HIBCH: variants seen among roughly 807,000 people sequenced by gnomAD.
The protein encoded by HIBCH is 3-hydroxyisobutyryl-CoA hydrolase.
In HIBCH, 50 loss-of-function variants were observed where a neutral mutation model predicts 58.2. That is an observed-to-expected ratio of 0.86 (90% CI 0.68 to 1.09). The LOEUF (loss-of-function observed/expected upper bound fraction) is 1.09, where lower values mean the gene tolerates loss of function less well. Ranked by LOEUF, HIBCH falls within the 50% of genes least tolerant of loss-of-function variation. The probability of loss-of-function intolerance (pLI) is 0.00; values close to 1 mark genes in which losing one functional copy is unlikely to be tolerated. For synonymous variants in HIBCH, 151 were observed against 146.9 expected (o/e 1.03, Z -0.20); for missense variants, 450 against 449.7 (o/e 1.00, Z -0.01).
intron 9 of HIBCH, among the ~76,000 whole-genome samples, chr2:190,249,276 T>C (rs1412730266): frequency 6.6e-6 from 1 of 152,220 alleles, no homozygotes; most frequent in Non-Finnish European, 1.5e-5. Flanking sequence ...TAAAAATACA[T>C]GCTGCAATAA....
intron 11 of HIBCH, among the ~76,000 whole-genome samples, chr2:190,237,169 T>C (rs1434573761): frequency 6.6e-6 from 1 of 152,256 alleles, no homozygotes; most frequent in Non-Finnish European, 1.5e-5. Context: ...GATAAGTGTA[T>C]ACAGTTGTAT....
At chr2:190,305,118 A>G (rs1375037834) in intron 2 of HIBCH, among the ~76,000 whole-genome samples, 2 of 152,184 alleles carry the variant, frequency 1.3e-5, no homozygotes, top group Non-Finnish European at 2.9e-5. Context: ...TTGAGGTTGT[A>G]GAGGAACCAG....
chr2:190,248,326 G>A (rs1284236835), intron 9 of HIBCH, among the ~76,000 whole-genome samples: 14 of 152,184 alleles, frequency 9.2e-5, no homozygotes, highest in Non-Finnish European at 1.5e-4. Context: ...GAATTTCAAC[G>A]TCTATGGGTT....
At chr2:190,313,921 C>T (rs1275665309) in intron 1 of HIBCH, among the ~76,000 whole-genome samples, 1 of 152,108 alleles carries the variant, frequency 6.6e-6, no homozygotes, top group Non-Finnish European at 1.5e-5. Flanking sequence ...AACTACACTA[C>T]CCTAAAACAC....
chr2:190,220,841 T>C (rs1685699188), intron 11 of HIBCH, among the ~76,000 whole-genome samples: 2 of 152,162 alleles, frequency 1.3e-5, no homozygotes, highest in Non-Finnish European at 2.9e-5. Context: ...ATGACCACTT[T>C]CTGGCTTCAT....
intron 6 of HIBCH, among the ~76,000 whole-genome samples, chr2:190,266,315 G>A (rs187519261): frequency 3.7e-4 from 57 of 152,232 alleles, no homozygotes; most frequent in Admixed American, 2.0e-3. Context: ...GAAAATATAC[G>A]TACTCAGTAT....
At position 190,216,207 on chromosome 2, in the gene HIBCH, G is replaced by A. The variant is rs1432863561; in HGVS notation, c.892-3132C>T. ...CAAGCAACAAGGAGGTGCAAGCAAAGGGTGCAGTGTGGCCACTGAGGCGGG... is the reference window on the plus strand; with the variant it reads ...CAAGCAACAAGGAGGTGCAAGCAAAAGGTGCAGTGTGGCCACTGAGGCGGG... On this transcript the variant is annotated intron_variant, in intron 11 of 13. Transcript: ENST00000359678. The surrounding 1 kb of genome is among the most constrained non-coding windows in gnomAD (Gnocchi z 4.2). 2 of 153,102 alleles carry A rather than the reference G, an allele frequency of 1.3e-5. No individual in the cohort carries two copies. The highest frequency in any genetic ancestry group is 4.8e-5 in the African/African-American group (2 of 41,430). The allele number at this position is 153,102 out of a possible 1,614,324, so 9.5% of individuals were successfully genotyped here. A position where few individuals can be genotyped will look rare whatever the true frequency, so the allele number is the denominator to read the frequency against.
rs372413979 is a variant in HIBCH at position 190,292,677 on chromosome 2, TAAACAAAC to T, written c.304+1861_304+1868del. ...ATCATTCTGAGGTTTCACTTATACC[TAAACAAAC>T]AAACAAACAAACAAAAAATGACTAT... On this transcript the variant is annotated intron_variant, in intron 4 of 13. Transcript: ENST00000359678. Among the ~76,000 whole-genome samples the T allele has an allele frequency of 3.3e-5, 5 of 152,264 alleles. No individual in the cohort carries two copies. The East Asian group carries it at 7.7e-4, about 23-fold the overall frequency.
chr2:190,299,654 CAG>C (rs1443283218), intron 2 of HIBCH, among the ~76,000 whole-genome samples: 1 of 151,958 alleles, frequency 6.6e-6, no homozygotes, highest in African/African-American at 2.4e-5. Context: ...TGCTAGGAAA[CAG>C]TGTTAAGGTT....
In HIBCH at chr2:190,212,945, T is replaced by TA. The variant is rs766520761; in HGVS notation, c.1011+10dup. The stretch of plus-strand genomic sequence containing the variant: ...GAACTAAAAAATGACATTTTTTTTT[T>TA]AAATTCTTACCATACAAGCTTGACT... On this transcript the variant is annotated intron_variant, in intron 12 of 13. Coordinates refer to ENST00000359678, the MANE Select transcript of HIBCH (RefSeq NM_014362.4). The TA allele has an allele frequency of 6.9e-5, 111 of 1,605,198 alleles. No homozygotes were observed. Among genetic ancestry groups the TA allele is most frequent in the Middle Eastern group, 4.1e-4 (2 of 4,850 alleles).
chr2:190,200,479 A>C, downstream of HIBCH: 2 of 214,386 alleles, frequency 9.3e-6, no homozygotes. Context: ...CCAAATTCCA[A>C]TGGTTGAAGT....
chr2:190,239,897 G>A (rs953505127), intron 11 of HIBCH, among the ~76,000 whole-genome samples: 1 of 152,070 alleles, frequency 6.6e-6, no homozygotes, highest in Non-Finnish European at 1.5e-5. Flanking sequence ...TGATCTGCCC[G>A]CTTCGGCCTC....
At chr2:190,220,863 A>C (rs564021515) in intron 11 of HIBCH, among the ~76,000 whole-genome samples, 2 of 152,196 alleles carry the variant, frequency 1.3e-5, no homozygotes, top group African/African-American at 2.4e-5. Flanking sequence ...TGCAAGGTCA[A>C]TGAAGCTCCA....
intron 6 of HIBCH, among the ~76,000 whole-genome samples, chr2:190,263,722 CT>C (rs953750229): frequency 1.3e-5 from 2 of 152,200 alleles, no homozygotes; most frequent in Non-Finnish European, 2.9e-5. Flanking sequence ...GCTCCTCTCT[CT>C]GTCTTCATCT....
intron 13 of HIBCH, 80 bp downstream of exon 13, chr2:190,208,800 A>T: frequency 1.6e-6 from 2 of 1,278,492 alleles, no homozygotes. Flanking sequence ...TGGGATGCAT[A>T]ATCTGTATCT....
At position 190,213,083 on chromosome 2, in the gene HIBCH, A is replaced by G. The variant is rs2105901961; in HGVS notation, c.892-8T>C. ...AGACATTTTATTAATTACCTTTTGG[A>G]GGAAAAAATTTACTACTGTTAGTCC... On this transcript the variant is annotated splice_region_variant and splice_polypyrimidine_tract_variant and intron_variant, in intron 11 of 13. Coordinates refer to ENST00000359678, the MANE Select transcript of HIBCH (RefSeq NM_014362.4). 6.3e-7 allele frequency: 1 copy of G among 1,598,058 alleles called. No homozygotes were observed. The highest frequency in any genetic ancestry group is 8.6e-7 in the Non-Finnish European group (1 of 1,165,804).
chr2:190,306,157 T>C lies in HIBCH; in HGVS notation c.78+4597A>G, dbSNP rs1017414704. Among the ~76,000 whole-genome samples, 7 of 152,120 alleles carry C rather than the reference T, an allele frequency of 4.6e-5. No individual in the cohort carries two copies. Among genetic ancestry groups the C allele is most frequent in the Admixed American group, 4.6e-4 (7 of 15,266 alleles). The stretch of plus-strand genomic sequence containing the variant: ...ACAGACAACCACCGAAAGTATAATA[T>C]AGAACTTAGTCAATTACTATAATGC... On this transcript the variant is annotated intron_variant, in intron 2 of 13. Coordinates refer to ENST00000359678, the MANE Select transcript of HIBCH (RefSeq NM_014362.4). This position sits in a 1 kb window ranked among gnomAD's most constrained non-coding sequence, Gnocchi z 4.6.
downstream of HIBCH, chr2:190,200,231 CAAATAACTATCTGGATTTAA>C: frequency 9.3e-7 from 1 of 1,079,624 alleles, no homozygotes; most frequent in East Asian, 2.4e-5. Flanking sequence ...TGAAAAAGTA[CAAATAACTATCTGGATTTAA>C]AAATGTGTCT....
intron 2 of HIBCH, among the ~76,000 whole-genome samples, chr2:190,298,072 G>C (rs1334213555): frequency 6.6e-6 from 1 of 152,072 alleles, no homozygotes; most frequent in Non-Finnish European, 1.5e-5. Flanking sequence ...ATGTCCCTGC[G>C]AAGGACATGA....
Sources: allele counts gnomAD v4.1 joint callset (sites outside exome capture counted in the v4.1 genomes callset), GRCh38; gene constraint gnomAD v4.1.1; non-coding constraint Gnocchi (gnomAD v3.1); transcripts MANE v1.5; gene names NCBI Gene and HGNC (gene_info 2026-07-23, HGNC 2026-07-21).